The following DGKB variants were observed in gnomAD, a reference collection of about 807,000 sequenced individuals.
DGKB encodes 90 kDa diacylglycerol kinase.
A neutral mutation model predicts 114.3 loss-of-function variants in DGKB; 67 were observed. That is an observed-to-expected ratio of 0.59 (90% confidence interval 0.48 to 0.72). DGKB has a LOEUF of 0.72. Among genes scored for constraint, DGKB ranks in the 30% least tolerant of loss-of-function variants. The pLI, the probability that DGKB is intolerant of heterozygous loss-of-function variation, is 0.00. For synonymous variants in DGKB, 398 were observed against 323.1 expected, an observed-to-expected ratio of 1.23 and a Z score of -2.49; for missense variants, 907 against 975.2, an observed-to-expected ratio of 0.93 and a Z score of 0.93.
chr7:14,723,729 T>A lies in DGKB; in HGVS notation c.323-5044A>T, dbSNP rs546766653. Among the ~76,000 whole-genome samples, 3 of 152,272 alleles carry A rather than the reference T, an allele frequency of 2.0e-5. No homozygotes were observed. The South Asian group carries it at 6.2e-4, about 32-fold the overall frequency. On this transcript the variant is annotated intron_variant, in intron 5 of 25. Coordinates refer to ENST00000402815, the MANE Select transcript of DGKB (RefSeq NM_001350709.2). ...TAGCATTTATTTCTGTTAAAATAAG[T>A]TCATTATATATACACATACATACAT... is the stretch of plus-strand genomic sequence containing the variant.
At chr7:14,519,829 T>A (rs958468654) in intron 20 of DGKB, among the ~76,000 whole-genome samples, 6 of 152,018 alleles carry the variant, frequency 3.9e-5, no homozygotes, top group Non-Finnish European at 5.9e-5. Context: ...CTTCATTTTC[T>A]TATTAGCATT....
intron 13 of DGKB, among the ~76,000 whole-genome samples, chr7:14,662,766 A>G (rs1376475344): frequency 6.6e-6 from 1 of 151,854 alleles, no homozygotes; most frequent in African/African-American, 2.4e-5. Context: ...AAACCTAAAA[A>G]TCAGGAAGGT....
intron 21 of DGKB, among the ~76,000 whole-genome samples, chr7:14,388,410 ATG>A (rs910720713): frequency 5.4e-5 from 8 of 148,204 alleles, no homozygotes; most frequent in African/African-American, 1.5e-4. Context: ...ATGTATGTAG[ATG>A]TGTGTTTGTA....
intron 21 of DGKB, among the ~76,000 whole-genome samples, chr7:14,471,109 AG>A (rs1781223010): frequency 6.6e-6 from 1 of 150,594 alleles, no homozygotes; most frequent in South Asian, 2.1e-4. Flanking sequence ...ATAGCAAAAT[AG>A]AAAAAAAATA....
At chr7:14,661,463 G>A (rs78293725) in intron 13 of DGKB, among the ~76,000 whole-genome samples, 74,117 of 116,554 alleles carry the variant, frequency 0.64, 24,639 homozygotes, top group East Asian at 0.74. Context: ...AATGCTCACC[G>A]TCACTGGCCA....
At chr7:14,573,286 A>G (rs1223892194) in intron 20 of DGKB, among the ~76,000 whole-genome samples, 1 of 152,168 alleles carries the variant, frequency 6.6e-6, no homozygotes, top group Non-Finnish European at 1.5e-5. Flanking sequence ...GATTCTTTAA[A>G]TGTACAATCA....
At chr7:14,254,500 G>C (rs946882377) in intron 23 of DGKB, among the ~76,000 whole-genome samples, 3 of 151,978 alleles carry the variant, frequency 2.0e-5, no homozygotes, top group Non-Finnish European at 4.4e-5. Context: ...ATATACACTA[G>C]ATAAAATGTT....
intron 1 of DGKB, among the ~76,000 whole-genome samples, chr7:14,921,987 A>T (rs1462018233): frequency 6.6e-6 from 1 of 152,212 alleles, no homozygotes; most frequent in East Asian, 1.9e-4. Context: ...TCATTCAATC[A>T]GAACTGTAAA....
intron 13 of DGKB, among the ~76,000 whole-genome samples, chr7:14,652,891 A>C (rs1233739624): frequency 5.3e-5 from 8 of 152,178 alleles, no homozygotes; most frequent in African/African-American, 1.4e-4. Context: ...CAGCCAAAAA[A>C]ACACATGAAA....
At chr7:14,607,343 C>T (rs1165749395) in intron 17 of DGKB, 91 bp downstream of exon 17, 25 of 717,446 alleles carry the variant, frequency 3.5e-5, no homozygotes, top group Admixed American at 1.2e-4. Context: ...CTGCTGTGTT[C>T]AAATAACATT....
chr7:14,392,998 T>TTGTTGTTTTTTG (rs1284877371), intron 21 of DGKB, among the ~76,000 whole-genome samples: 1 of 88,766 alleles, frequency 1.1e-5, no homozygotes, highest in African/African-American at 3.6e-5. Context: ...TGTTTTTGTT[T>TTGTTGTTTTTTG]TTTTTTTTTT....
At chr7:14,922,270 A>G (rs1784540096) in intron 1 of DGKB, among the ~76,000 whole-genome samples, 1 of 152,026 alleles carries the variant, frequency 6.6e-6, no homozygotes, top group South Asian at 2.1e-4. Flanking sequence ...GATTAATTTA[A>G]TAGATTCCAG....
chr7:14,731,411 TTGAAA>T (rs879354284), intron 5 of DGKB, among the ~76,000 whole-genome samples: 1 of 152,152 alleles, frequency 6.6e-6, no homozygotes, highest in Admixed American at 6.5e-5. Context: ...AAGTCATGTG[TTGAAA>T]TGAGAAGACA....
At chr7:14,187,908 C>A (rs1436363870) in intron 23 of DGKB, among the ~76,000 whole-genome samples, 1 of 151,760 alleles carries the variant, frequency 6.6e-6, no homozygotes, top group Non-Finnish European at 1.5e-5. Flanking sequence ...TTTAAGGAAA[C>A]TGAGCAAGAT....
chr7:14,555,711 C>G (rs1056492523), intron 20 of DGKB, among the ~76,000 whole-genome samples: 2 of 152,090 alleles, frequency 1.3e-5, no homozygotes, highest in African/African-American at 2.4e-5. Flanking sequence ...TCATAAAGAC[C>G]TTGCTGATAA....
At chr7:14,881,427 C>T (rs544148165) in intron 1 of DGKB, among the ~76,000 whole-genome samples, 1 of 152,190 alleles carries the variant, frequency 6.6e-6, no homozygotes, top group Non-Finnish European at 1.5e-5. Context: ...AAGTCATTTG[C>T]TTTTGATTTT....
chr7:14,924,136 T>C (rs1784641656), intron 1 of DGKB, among the ~76,000 whole-genome samples: 1 of 152,046 alleles, frequency 6.6e-6, no homozygotes, highest in Non-Finnish European at 1.5e-5. Context: ...AGTTTCTTGG[T>C]TTTGTGGATT....
At chr7:14,634,957 G>C (rs1382731652) in intron 13 of DGKB, among the ~76,000 whole-genome samples, 1 of 151,458 alleles carries the variant, frequency 6.6e-6, no homozygotes, top group Non-Finnish European at 1.5e-5. Flanking sequence ...CCTTTAGTAA[G>C]AGATTATTTC....
intron 19 of DGKB, among the ~76,000 whole-genome samples, chr7:14,575,345 A>C (rs1749998346): frequency 6.6e-6 from 1 of 152,172 alleles, no homozygotes; most frequent in Non-Finnish European, 1.5e-5. Flanking sequence ...TGCTCAACAA[A>C]TCAATTTTTT....
Sources: gnomAD v4.1 joint callset for allele counts (sites outside exome capture counted in the v4.1 genomes callset) on GRCh38, gnomAD v4.1.1 for gene constraint, MANE v1.5 for transcripts, NCBI Gene and HGNC (gene_info 2026-07-23, HGNC 2026-07-21) for gene names.